LCOR: variants seen among roughly 807,000 people sequenced by gnomAD.
LCOR encodes ligand-dependent corepressor.
In LCOR, 14 loss-of-function variants were observed where a neutral mutation model predicts 64.4. The observed-to-expected ratio is 0.22, with a 90% CI of 0.14 to 0.34. The LOEUF is 0.34. Ranked by LOEUF, LCOR falls within the 10% of genes least tolerant of loss-of-function variation. LCOR has a pLI of 1.00. For missense variants in LCOR, 1,686 were observed against 1,765.3 expected (o/e 0.96, Z 0.80); for synonymous variants, 643 against 642.5 (o/e 1.00, Z -0.01).
chr10:96,856,877 T>G (rs1845813898), intron 2 of LCOR, among the ~76,000 whole-genome samples: 1 of 151,750 alleles, frequency 6.6e-6, no homozygotes, highest in South Asian at 2.1e-4. Context: ...TAAAAAAAAT[T>G]ATCTGGCCTT....
At chr10:96,960,434 C>T (rs1205626380) in intron 7 of LCOR, 2 of 152,206 alleles carry the variant, frequency 1.3e-5, no homozygotes, top group East Asian at 3.9e-4. Flanking sequence ...CCTTTTGAGA[C>T]ATGTATTTTT....
intron 4 of LCOR, among the ~76,000 whole-genome samples, chr10:96,910,306 C>G (rs1248772670): frequency 1.3e-5 from 2 of 152,202 alleles, no homozygotes; most frequent in Admixed American, 1.3e-4. Flanking sequence ...AGTTGGTTTT[C>G]TAAATAGAAA....
intron 7 of LCOR, among the ~76,000 whole-genome samples, chr10:96,971,492 C>T (rs1279226418): frequency 2.6e-5 from 4 of 152,068 alleles, no homozygotes; most frequent in Non-Finnish European, 4.4e-5. Flanking sequence ...ATGGAGAAGA[C>T]GGTTAGGTCA....
At chr10:96,886,801 C>T (rs892956316) in intron 2 of LCOR, among the ~76,000 whole-genome samples, 2 of 152,212 alleles carry the variant, frequency 1.3e-5, no homozygotes, top group Admixed American at 1.3e-4. Flanking sequence ...ACTGCTTACA[C>T]ATCTCCAGTC....
At chr10:96,946,839 TTA>T (rs1847597568) in intron 5 of LCOR, among the ~76,000 whole-genome samples, 1 of 152,122 alleles carries the variant, frequency 6.6e-6, no homozygotes, top group Admixed American at 6.5e-5. Flanking sequence ...ACAGAGCTCT[TTA>T]TGTTTATTAA....
chr10:96,956,008 A>C, intron 7 of LCOR: 1 of 1,513,270 alleles, frequency 6.6e-7, no homozygotes, highest in Admixed American at 2.2e-5. Flanking sequence ...ACGTAATTTC[A>C]TTTACTGTGA....
intron 4 of LCOR, among the ~76,000 whole-genome samples, chr10:96,920,307 A>G (rs1847025263): frequency 6.6e-6 from 1 of 151,430 alleles, no homozygotes; most frequent in South Asian, 2.1e-4. Flanking sequence ...TATCATGTTT[A>G]AAGAAATGTC....
chr10:96,860,129 C>G (rs901837308), intron 2 of LCOR, among the ~76,000 whole-genome samples: 6 of 152,158 alleles, frequency 3.9e-5, no homozygotes, highest in Non-Finnish European at 8.8e-5. Context: ...GATAAATATT[C>G]TAACCATGAA....
At chr10:96,875,480 G>A (rs772680653) in intron 2 of LCOR, among the ~76,000 whole-genome samples, 1 of 152,148 alleles carries the variant, frequency 6.6e-6, no homozygotes, top group African/African-American at 2.4e-5. Flanking sequence ...TTAAAGTTCA[G>A]TGGGATTCAG....
intron 4 of LCOR, among the ~76,000 whole-genome samples, chr10:96,920,534 ATG>A (rs1564626150): frequency 2.8e-3 from 405 of 143,050 alleles, no homozygotes; most frequent in African/African-American, 5.2e-3. Flanking sequence ...ATGTGTATAT[ATG>A]TATGTATATT....
At chr10:96,969,972 T>TA (rs1554841692) in intron 7 of LCOR, among the ~76,000 whole-genome samples, 1 of 143,092 alleles carries the variant, frequency 7.0e-6, no homozygotes, top group Non-Finnish European at 1.5e-5. Flanking sequence ...TTTTTTTTTT[T>TA]AGTAGAGATG....
At position 96,949,107 on chromosome 10, in the gene LCOR, G is replaced by GCTCT; in HGVS notation, c.51_54dup (p.Thr19LeufsTer10). ...GCTGCTGAATATACCTCAAAAAATA[G>GCTCT]CTCTACTCAGGACCCCAGCCAGCCC... is the stretch of plus-strand genomic sequence containing the variant. On this transcript the variant is annotated frameshift_variant, in exon 6 of 8. Coordinates refer to ENST00000421806, the MANE Select transcript of LCOR (RefSeq NM_001346516.2). LOFTEE classifies it high-confidence loss of function. 3 of 1,613,930 alleles carry GCTCT rather than the reference G, an allele frequency of 1.9e-6. No individual in the cohort carries two copies. The highest frequency in any genetic ancestry group is 2.5e-6 in the Non-Finnish European group (3 of 1,179,960).
In LCOR at chr10:96,832,409, T is replaced by G. The variant is rs1490899447; in HGVS notation, c.-404+10T>G. 5.1e-6 allele frequency: 5 copies of G among 972,656 alleles called. No homozygotes were observed. The highest frequency in any genetic ancestry group is 6.2e-5 in the Admixed American group (1 of 16,210). 60.3% of individuals were successfully genotyped at this position (972,656 alleles called of 1,614,324 possible). On this transcript the variant is annotated intron_variant, in intron 1 of 7. Transcript: ENST00000421806. ...CTCATTCACTGTGTAGGTGAGACCCTCCGCCGACCGCCGCCGCCCCTCCGG... is the reference window on the plus strand; with the variant it reads ...CTCATTCACTGTGTAGGTGAGACCCGCCGCCGACCGCCGCCGCCCCTCCGG...
At chr10:96,885,369 GTTTTGT>G (rs1564614929) in intron 2 of LCOR, among the ~76,000 whole-genome samples, 1 of 151,832 alleles carries the variant, frequency 6.6e-6, no homozygotes, top group African/African-American at 2.4e-5. Context: ...TGTTAATTAG[GTTTTGT>G]TTTTGTTTTT....
chr10:96,920,570 G>A (rs374984729), intron 4 of LCOR, among the ~76,000 whole-genome samples: 2 of 137,330 alleles, frequency 1.5e-5, no homozygotes, highest in East Asian at 2.1e-4. Flanking sequence ...ATATATGTAT[G>A]TATATTCATA....
intron 2 of LCOR, among the ~76,000 whole-genome samples, chr10:96,906,527 A>T (rs992635132): frequency 6.6e-6 from 1 of 152,248 alleles, no homozygotes; most frequent in African/African-American, 2.4e-5. Flanking sequence ...ATTATTCAGT[A>T]GATCCATCAG....
At chr10:96,882,351 G>A (rs1208635021) in intron 2 of LCOR, among the ~76,000 whole-genome samples, 1 of 152,176 alleles carries the variant, frequency 6.6e-6, no homozygotes, top group African/African-American at 2.4e-5. Flanking sequence ...TATTAAAATA[G>A]CCTTTCAGAT....
chr10:96,964,598 T>A (rs2134548898), intron 7 of LCOR, among the ~76,000 whole-genome samples: 1 of 152,250 alleles, frequency 6.6e-6, no homozygotes, highest in Non-Finnish European at 1.5e-5. Flanking sequence ...TAGATAAAGT[T>A]GCTGCTGTGA....
intron 2 of LCOR, among the ~76,000 whole-genome samples, chr10:96,847,555 C>T (rs767981894): frequency 2.6e-5 from 4 of 152,110 alleles, no homozygotes; most frequent in African/African-American, 9.7e-5. Context: ...AATTCTCCTG[C>T]GTCAGACTCC....
Sources: allele counts gnomAD v4.1 joint callset (sites outside exome capture counted in the v4.1 genomes callset), GRCh38; gene constraint gnomAD v4.1.1; transcripts MANE v1.5; gene names NCBI Gene and HGNC (gene_info 2026-07-23, HGNC 2026-07-21).